PLEKHA8: variants seen among roughly 807,000 people sequenced by gnomAD.
The protein encoded by PLEKHA8 is pleckstrin homology domain-containing family A member 8.
A neutral mutation model predicts 68.2 loss-of-function variants in PLEKHA8; 36 were observed. That is an observed-to-expected ratio of 0.53 (90% CI 0.40 to 0.70). The LOEUF is 0.70. Among genes scored for constraint, PLEKHA8 ranks in the 30% least tolerant of loss-of-function variants. The pLI, the probability that PLEKHA8 is intolerant of heterozygous loss-of-function variation, is 0.00. For synonymous variants in PLEKHA8, 211 were observed against 216.1 expected, an observed-to-expected ratio of 0.98 and a Z score of 0.20; for missense variants, 505 against 615.4, an observed-to-expected ratio of 0.82 and a Z score of 1.90.
intron 13 of PLEKHA8, among the ~76,000 whole-genome samples, chr7:30,125,608 G>A (rs1796759394): frequency 6.6e-6 from 1 of 152,162 alleles, no homozygotes; most frequent in Non-Finnish European, 1.5e-5. Context: ...AGACAACAGT[G>A]TAGTGTTCTC....
At chr7:30,074,460 G>C (rs549322698) in intron 13 of PLEKHA8, among the ~76,000 whole-genome samples, 2 of 152,166 alleles carry the variant, frequency 1.3e-5, no homozygotes, top group East Asian at 3.9e-4. Context: ...AATTACTCTA[G>C]CCAATTCCAA....
At chr7:30,091,236 G>T (rs942445673), downstream of PLEKHA8, among the ~76,000 whole-genome samples, 2 of 151,658 alleles carry the variant, frequency 1.3e-5, no homozygotes, top group African/African-American at 2.4e-5. Context: ...TTATTTTTAG[G>T]TGGGTATTGA....
rs1443797240 is a variant in PLEKHA8 at position 30,028,817 on chromosome 7, C to T, written c.40+15C>T. The T allele has an allele frequency of 7.9e-6, 10 of 1,263,392 alleles. No individual in the cohort carries two copies. Among genetic ancestry groups the T allele is most frequent in the African/African-American group, 4.6e-5 (3 of 64,900 alleles). 78.3% of individuals were successfully genotyped at this position (1,263,392 alleles called of 1,614,324 possible). On this transcript the variant is annotated intron_variant, in intron 1 of 13. Transcript: ENST00000449726. ...CTATCTGAGCGGTGAGTGGCCGTGC[C>T]GGGCCGGGGGCGCGCCGGGGGCCGG... is the stretch of plus-strand genomic sequence containing the variant.
intron 13 of PLEKHA8, among the ~76,000 whole-genome samples, chr7:30,111,701 C>T (rs574666640): frequency 6.6e-6 from 1 of 151,906 alleles, no homozygotes; most frequent in Admixed American, 6.6e-5. Flanking sequence ...CTCACTGTAA[C>T]CTCCGCCTCT....
At chr7:30,118,262 AT>A in intron 13 of PLEKHA8, 1 of 388,174 alleles carries the variant, frequency 2.6e-6, no homozygotes, top group East Asian at 3.7e-5. Flanking sequence ...AACTTATTTG[AT>A]TGTTTTTCTG....
rs984710845 is a variant in PLEKHA8 at position 30,115,675 on chromosome 7, T to C, written c.1363-13591T>C. Among the ~76,000 whole-genome samples, 6 of 151,174 alleles carry C rather than the reference T, an allele frequency of 4.0e-5. No individual in the cohort carries two copies. The South Asian group carries it at 8.3e-4, about 21-fold the overall frequency. On this transcript the variant is annotated intron_variant, in intron 13 of 13. Transcript: ENST00000396257. ...ACACATACATGTATACGTGTATACATACGCACATACATGCATACACGTATA... is the reference window on the plus strand; with the variant it reads ...ACACATACATGTATACGTGTATACACACGCACATACATGCATACACGTATA...
Position 30,052,776 on chromosome 7 carries a change from C to T in PLEKHA8, c.706C>T (p.Leu236=). The T allele has an allele frequency of 6.4e-7, 1 of 1,566,492 alleles. No homozygotes were observed. Among genetic ancestry groups the T allele is most frequent in the Non-Finnish European group, 8.6e-7 (1 of 1,164,486 alleles). Residue 236 remains leucine, a synonymous_variant, in exon 7 of 14, where the codon CTA becomes TTA. Transcript: ENST00000449726. ...NMEINGEEEI[L]MKNKNSLYLK... is the part of the protein sequence containing the mutation. ...GGAAATAAATGGTGAGGAAGAAATC[C>T]TAATGAAAAATAAGAATTCCTTATA...
intron 12 of PLEKHA8, among the ~76,000 whole-genome samples, chr7:30,063,740 C>T (rs1678638724): frequency 6.6e-6 from 1 of 152,142 alleles, no homozygotes; most frequent in Non-Finnish European, 1.5e-5. Context: ...ACAATGTAGA[C>T]TTCATAAACT....
intron 13 of PLEKHA8, chr7:30,117,998 G>C: frequency 6.5e-7 from 1 of 1,531,060 alleles, no homozygotes; most frequent in African/African-American, 1.4e-5. Context: ...TGGTGGCCCA[G>C]GAGGGCTGTC....
chr7:30,045,796 A>G (rs1040075289), intron 2 of PLEKHA8, among the ~76,000 whole-genome samples: 2 of 152,178 alleles, frequency 1.3e-5, no homozygotes, highest in African/African-American at 4.8e-5. Flanking sequence ...AAGATGGAAA[A>G]GATTGTATTT....
intron 9 of PLEKHA8, among the ~76,000 whole-genome samples, chr7:30,056,318 A>C (rs1235878876): frequency 0.08 from 7,654 of 95,726 alleles, 352 homozygotes; most frequent in Non-Finnish European, 0.095. Flanking sequence ...CTCTCTATAT[A>C]TATATATATA....
At chr7:30,037,008 A>G (rs1791151971) in intron 1 of PLEKHA8, among the ~76,000 whole-genome samples, 1 of 152,130 alleles carries the variant, frequency 6.6e-6, no homozygotes, top group Non-Finnish European at 1.5e-5. Context: ...ACTCCCCTAG[A>G]GAAGCTGAGT....
chr7:30,052,629 A>C, intron 6 of PLEKHA8, 80 bp from the exon 7 acceptor site: 2 of 1,210,768 alleles, frequency 1.7e-6, no homozygotes, highest in Non-Finnish European at 2.2e-6. Flanking sequence ...GACAGAGTGG[A>C]GACCCTGTTT....
Position 30,028,556 on chromosome 7 carries a change from T to A in PLEKHA8, c.-207T>A. On this transcript the variant is annotated 5_prime_UTR_variant, in exon 1 of 14. Transcript: ENST00000449726. ...TCGCCCCACGGGTTCACCGGCTGGC[T>A]GGGCTTCAAGCGCCGAGGCCGCCGC... is the stretch of plus-strand genomic sequence containing the variant. 3 of 380,582 alleles carry A rather than the reference T, an allele frequency of 7.9e-6. No homozygotes were observed. The highest frequency in any genetic ancestry group is 9.3e-6 in the Non-Finnish European group (2 of 215,986). The allele number at this position is 380,582 out of a possible 1,614,324, so 23.6% of individuals were successfully genotyped here.
chr7:30,043,217 GA>G (rs1416883699), intron 1 of PLEKHA8, among the ~76,000 whole-genome samples: 1 of 152,084 alleles, frequency 6.6e-6, no homozygotes, highest in South Asian at 2.1e-4. Context: ...GGCTGGTCTG[GA>G]ACTCCTGGCC....
chr7:30,044,019 A>G (rs1405019031), intron 1 of PLEKHA8, among the ~76,000 whole-genome samples: 2 of 151,538 alleles, frequency 1.3e-5, no homozygotes, highest in Non-Finnish European at 2.9e-5. Context: ...TTACGCAGAG[A>G]TAGTCAGGGA....
chr7:30,115,743 T>C (rs1257153459), intron 13 of PLEKHA8: 1 of 144,560 alleles, frequency 6.9e-6, no homozygotes, highest in South Asian at 2.2e-4. Flanking sequence ...TATACATGTA[T>C]ACATACGTGC....
chr7:30,096,070 T>C (rs1406748020), intron 13 of PLEKHA8, among the ~76,000 whole-genome samples: 5 of 152,196 alleles, frequency 3.3e-5, no homozygotes, highest in Admixed American at 6.5e-5. Context: ...AGAAAGTCAT[T>C]GGTAGCTTGA....
chr7:30,028,681 C>A lies in PLEKHA8; in HGVS notation c.-82C>A. ...GCGTCTGGGCAGCGCCAGGCGATGG[C>A]CCTGCTGCTGGTGCTCCTCGCCTCT... On this transcript the variant is annotated 5_prime_UTR_variant, in exon 1 of 14. Coordinates refer to ENST00000449726, the MANE Select transcript of PLEKHA8 (RefSeq NM_001197026.2). The A allele has an allele frequency of 9.2e-7, 1 of 1,085,866 alleles. No homozygotes were observed. The highest frequency in any genetic ancestry group is 1.2e-6 in the Non-Finnish European group (1 of 847,902). 67.3% of individuals were successfully genotyped at this position (1,085,866 alleles called of 1,614,324 possible).
Sources: allele counts gnomAD v4.1 joint callset (sites outside exome capture counted in the v4.1 genomes callset), GRCh38; gene constraint gnomAD v4.1.1; transcripts MANE v1.5; gene names NCBI Gene and HGNC (gene_info 2026-07-23, HGNC 2026-07-21).